NR2C2: variants seen among roughly 807,000 people sequenced by gnomAD.
NR2C2 encodes nuclear receptor subfamily 2 group C member 2.
NR2C2 carries 6 observed loss-of-function variants against 62.9 expected under a neutral mutation model. That is an observed-to-expected ratio of 0.10 (90% CI 0.05 to 0.19). The LOEUF is 0.19. Ranked by LOEUF, NR2C2 falls within the 10% of genes least tolerant of loss-of-function variation. The probability of loss-of-function intolerance (pLI) is 1.00; values close to 1 mark genes in which losing one functional copy is unlikely to be tolerated. For missense variants in NR2C2, 479 were observed against 762.7 expected, an observed-to-expected ratio of 0.63 and a Z score of 4.38; for synonymous variants, 272 against 273.8, an observed-to-expected ratio of 0.99 and a Z score of 0.07.
chr3:15,037,887 A>T, intron 11 of NR2C2, 113 bp from the exon 12 acceptor site: 2 of 1,171,100 alleles, frequency 1.7e-6, no homozygotes, highest in African/African-American at 1.6e-5. Context: ...GAGATTACTG[A>T]TTTTTCATTA....
intron 1 of NR2C2, among the ~76,000 whole-genome samples, chr3:14,995,668 C>CGTGTGTGTGTGTGT (rs58878848): frequency 0.061 from 9,022 of 148,544 alleles, 346 homozygotes; most frequent in Middle Eastern, 0.094. Context: ...GTTTTCATTA[C>CGTGTGTGTGTGTGT]GTGTGTGTGT....
At chr3:14,966,117 A>G (rs1302721115) in intron 1 of NR2C2, among the ~76,000 whole-genome samples, 1 of 152,258 alleles carries the variant, frequency 6.6e-6, no homozygotes, top group African/African-American at 2.4e-5. Context: ...AATGCTAAGT[A>G]GTAATGGAGT....
chr3:15,038,002 A>G lies in NR2C2; in HGVS notation c.1375A>G (p.Lys459Glu), dbSNP rs1339838033. 1.9e-6 allele frequency: 3 copies of G among 1,612,716 alleles called. No individual in the cohort carries two copies. Among genetic ancestry groups the G allele is most frequent in the African/African-American group, 1.3e-5 (1 of 74,842 alleles). The change falls in exon 12 of 14, where the codon AAA becomes GAA. Residue 459 changes from lysine to glutamate, a missense_variant and splice_region_variant. Around this residue, in one of 4 missense-constraint regions of NR2C2, gnomAD observed 162 missense variants for 296.8 expected, o/e 0.55. Coordinates refer to ENST00000425241, the MANE Select transcript of NR2C2 (RefSeq NM_001291694.2). ...GGATCTGTGATGTTGGTTTCTAGATAAACTTTCTGGTGACCGGATAAAGCA... is the reference window on the plus strand; with the variant it reads ...GGATCTGTGATGTTGGTTTCTAGATGAACTTTCTGGTGACCGGATAAAGCA... ...NHLQNSIQED[K>E]LSGDRIKQVM...
At chr3:14,999,875 C>T (rs1306592869) in intron 1 of NR2C2, among the ~76,000 whole-genome samples, 1 of 151,930 alleles carries the variant, frequency 6.6e-6, no homozygotes, top group African/African-American at 2.4e-5. Context: ...GTCTTTATGC[C>T]GGTACTGCAA....
chr3:14,973,255 T>G (rs916944932), intron 1 of NR2C2, among the ~76,000 whole-genome samples: 9 of 152,168 alleles, frequency 5.9e-5, no homozygotes, highest in African/African-American at 2.2e-4. Flanking sequence ...TGGCAGGGTC[T>G]TGCTCTGTCA....
chr3:14,954,097 A>G (rs2039451553), intron 1 of NR2C2, among the ~76,000 whole-genome samples: 1 of 152,152 alleles, frequency 6.6e-6, no homozygotes, highest in Admixed American at 6.5e-5. Context: ...GTAATGATGC[A>G]TCTTTTTATT....
intron 3 of NR2C2, 141 bp from the exon 4 acceptor site, chr3:15,016,011 A>G: frequency 3.3e-6 from 2 of 609,386 alleles, no homozygotes; most frequent in East Asian, 5.9e-5. Context: ...CATGTTAGTC[A>G]GGCTGGTCTC....
chr3:14,963,247 A>G (rs1387935693), intron 1 of NR2C2, among the ~76,000 whole-genome samples: 27 of 152,230 alleles, frequency 1.8e-4, no homozygotes, highest in Admixed American at 1.7e-3. Context: ...ACCATGCCCT[A>G]TGCAAGGGCT....
intron 12 of NR2C2, 23 bp from the exon 13 acceptor site, chr3:15,039,099 G>A (rs528161963): frequency 1.2e-5 from 19 of 1,567,286 alleles, no homozygotes; most frequent in East Asian, 2.2e-5. Flanking sequence ...GGGAACTGGG[G>A]GGGGGTACTT....
Position 14,981,622 on chromosome 3 carries a change from AAG to A in NR2C2, c.-39-22251_-39-22250del, listed in dbSNP as rs1491558695. Among the ~76,000 whole-genome samples, 241 of 150,766 alleles carry A rather than the reference AAG, an allele frequency of 1.6e-3. 1 individual carries two copies. Among genetic ancestry groups the A allele is most frequent in the Non-Finnish European group, 3.0e-3 (205 of 67,716 alleles). On this transcript the variant is annotated intron_variant, in intron 1 of 13. Transcript: ENST00000425241. ...TGTCTCAAAAAAAAAAAAAAAAAAAAAGAGTATTGATTCACATGATCACAAGG... is the reference window on the plus strand; with the variant it reads ...TGTCTCAAAAAAAAAAAAAAAAAAAAAGTATTGATTCACATGATCACAAGG...
At chr3:15,004,162 C>T (rs1293152841) in intron 2 of NR2C2, among the ~76,000 whole-genome samples, 176 bp downstream of exon 2, 2 of 152,198 alleles carry the variant, frequency 1.3e-5, no homozygotes, top group South Asian at 2.1e-4. Flanking sequence ...AACCAACTTA[C>T]ATTTAAAGCA....
At position 15,043,123 on chromosome 3, in the gene NR2C2, G is replaced by A. The variant is rs2042329168; in HGVS notation, c.*115G>A. The A allele has an allele frequency of 5.1e-6, 5 of 979,864 alleles. No homozygotes were observed. Among genetic ancestry groups the A allele is most frequent in the Non-Finnish European group, 5.7e-6 (4 of 704,264 alleles). 60.7% of individuals were successfully genotyped at this position (979,864 alleles called of 1,614,324 possible). On this transcript the variant is annotated 3_prime_UTR_variant, in exon 14 of 14. Transcript: ENST00000425241. ...TATTTCCATATGTTAGCCATTTCCTGTCTGGTTTCTCCTTATCTGTTAATC... is the reference window on the plus strand; with the variant it reads ...TATTTCCATATGTTAGCCATTTCCTATCTGGTTTCTCCTTATCTGTTAATC...
At chr3:15,023,620 T>C (rs2041738596) in intron 6 of NR2C2, among the ~76,000 whole-genome samples, 2 of 152,234 alleles carry the variant, frequency 1.3e-5, no homozygotes, top group South Asian at 4.1e-4. Flanking sequence ...AATTATTTTA[T>C]GATTCAAGAT....
chr3:14,995,320 CAAAAA>C, intron 1 of NR2C2, among the ~76,000 whole-genome samples: 1 of 118,088 alleles, frequency 8.5e-6, no homozygotes. Context: ...TTTACCCCCT[CAAAAA>C]AAAAAAAAAA....
At chr3:14,950,730 A>G (rs2039330800) in intron 1 of NR2C2, among the ~76,000 whole-genome samples, 1 of 152,202 alleles carries the variant, frequency 6.6e-6, no homozygotes, top group African/African-American at 2.4e-5. Context: ...GAGAGCAGGA[A>G]TACATTTTGT....
chr3:15,033,402 G>A (rs1181675231), intron 10 of NR2C2, among the ~76,000 whole-genome samples: 1 of 152,148 alleles, frequency 6.6e-6, no homozygotes, highest in Non-Finnish European at 1.5e-5. Flanking sequence ...GGCATGCAAG[G>A]GACTCAGCAG....
intron 1 of NR2C2, among the ~76,000 whole-genome samples, chr3:15,001,318 G>GTTTTTTTTTTTTTTTTTTTTGT (rs2040991526): frequency 2.4e-4 from 23 of 97,482 alleles, no homozygotes; most frequent in South Asian, 3.5e-4. Context: ...TTTGTTTTGG[G>GTTTTTTTTTTTTTTTTTTTTGT]TTTTTTTTTT....
intron 1 of NR2C2, among the ~76,000 whole-genome samples, chr3:14,994,477 CCT>C (rs1191451216): frequency 7.2e-6 from 1 of 139,678 alleles, no homozygotes; most frequent in Admixed American, 7.5e-5. Context: ...AGAGTCTCAC[CCT>C]GTCGCCAGGC....
At chr3:14,988,829 A>G (rs1408256709) in intron 1 of NR2C2, among the ~76,000 whole-genome samples, 1 of 152,080 alleles carries the variant, frequency 6.6e-6, no homozygotes, top group Non-Finnish European at 1.5e-5. Context: ...ACATATGGTG[A>G]ATTTATTTCA....
Sources: allele counts gnomAD v4.1 joint callset (sites outside exome capture counted in the v4.1 genomes callset), GRCh38; gene constraint gnomAD v4.1.1; regional missense constraint gnomAD v4.1.1; transcripts MANE v1.5; gene names NCBI Gene and HGNC (gene_info 2026-07-23, HGNC 2026-07-21).